The following RNF128 variants were observed in gnomAD, a reference collection of about 807,000 sequenced individuals.
RNF128 encodes ring finger protein 128.
RNF128 carries 13 observed loss-of-function variants against 26.2 expected under a neutral mutation model. That is an observed-to-expected ratio of 0.50 (90% CI 0.32 to 0.79). RNF128 has a LOEUF of 0.79. Ranked by LOEUF, RNF128 falls within the 30% of genes least tolerant of loss-of-function variation. The pLI is 0.03. For synonymous variants in RNF128, 149 were observed against 142.5 expected (o/e 1.05, Z -0.32); for missense variants, 315 against 349.7 (o/e 0.90, Z 0.79).
chrX:106,708,609 A>C (rs186377435), intron 1 of RNF128, among the ~76,000 whole-genome samples: 19 of 112,213 alleles, frequency 1.7e-4, no homozygotes, highest in African/African-American at 5.8e-4. Context: ...AACTCTTTTA[A>C]GTAGTATATA....
At chrX:106,728,284 A>G (rs1445470159) in intron 1 of RNF128, among the ~76,000 whole-genome samples, 3 of 111,875 alleles carry the variant, frequency 2.7e-5, no homozygotes, top group Non-Finnish European at 3.8e-5. Flanking sequence ...ATAGCAGTGT[A>G]TCATAGTTTT....
At chrX:106,739,990 T>C (rs1035317073) in intron 1 of RNF128, among the ~76,000 whole-genome samples, 4 of 111,724 alleles carry the variant, frequency 3.6e-5, no homozygotes, top group Non-Finnish European at 7.5e-5. Context: ...ATATTCTTCC[T>C]AACTTTAATG....
chrX:106,726,683 G>A, upstream of RNF128: 5 of 1,015,597 alleles, frequency 4.9e-6, no homozygotes, highest in Non-Finnish European at 6.2e-6. Context: ...TAAAGCCCCA[G>A]AGCCCGACGC....
intron 1 of RNF128, among the ~76,000 whole-genome samples, chrX:106,734,863 C>T (rs961612821): frequency 3.6e-5 from 4 of 112,052 alleles, no homozygotes; most frequent in Non-Finnish European, 7.5e-5. Flanking sequence ...ATATTCTCCT[C>T]TTCACTGCAC....
In RNF128 at chrX:106,785,049, G is replaced by GTT. The variant is rs370041439; in HGVS notation, c.733-6_733-5dup. 966 of 937,908 alleles carry GTT rather than the reference G, an allele frequency of 1.0e-3. No individual in the cohort carries two copies. The highest frequency in any genetic ancestry group is 1.7e-3 in the Admixed American group (49 of 28,921). 77.3% of individuals were successfully genotyped at this position (937,908 alleles called of 1,213,427 possible). A position where few individuals can be genotyped will look rare whatever the true frequency, so the allele number is the denominator to read the frequency against. On this transcript the variant is annotated splice_polypyrimidine_tract_variant and intron_variant, in intron 2 of 6. Transcript: ENST00000255499. Reference sequence around the variant, plus strand: ...AAAAATAGTTTTTCTAATACCTGCTGTTTTTTTTTTTACAGAGGCAATTAA... The same window carrying GTT: ...AAAAATAGTTTTTCTAATACCTGCTGTTTTTTTTTTTTTACAGAGGCAATTAA...
chrX:106,699,061 A>G (rs1173525277), intron 1 of RNF128, among the ~76,000 whole-genome samples: 1 of 111,566 alleles, frequency 9.0e-6, no homozygotes, highest in Admixed American at 9.5e-5. Flanking sequence ...TCTTAAGTCC[A>G]TTCACTTTTT....
chrX:106,757,811 G>A (rs1232962598), intron 1 of RNF128, among the ~76,000 whole-genome samples: 1 of 111,867 alleles, frequency 8.9e-6, no homozygotes, highest in Non-Finnish European at 1.9e-5. Flanking sequence ...AAAGCTATAT[G>A]TGACAGATCC....
At chrX:106,765,719 G>A (rs57488487) in intron 1 of RNF128, among the ~76,000 whole-genome samples, 6,491 of 110,446 alleles carry the variant, frequency 0.059, 496 homozygotes, top group African/African-American at 0.2. Context: ...TATTTTGTTG[G>A]TTTTTTTATT....
intron 3 of RNF128, 55 bp from the exon 4 acceptor site, chrX:106,787,862 GT>G: frequency 2.5e-6 from 2 of 814,736 alleles, no homozygotes; most frequent in Non-Finnish European, 3.6e-6. Flanking sequence ...ATCTTGTTCT[GT>G]AGTTTAATGT....
intron 1 of RNF128, among the ~76,000 whole-genome samples, chrX:106,739,971 C>G (rs969748638): frequency 4.5e-5 from 5 of 111,662 alleles, no homozygotes; most frequent in African/African-American, 1.3e-4. Flanking sequence ...TACCTAATCT[C>G]TCAACATAAT....
chrX:106,781,765 G>A (rs1454806567), intron 2 of RNF128, among the ~76,000 whole-genome samples: 2 of 111,870 alleles, frequency 1.8e-5, no homozygotes. Flanking sequence ...TTAAACATTA[G>A]TTTATGCTAT....
At chrX:106,792,214 TTGTC>T (rs1317491502) in intron 6 of RNF128, among the ~76,000 whole-genome samples, 1 of 110,826 alleles carries the variant, frequency 9.0e-6, no homozygotes, top group East Asian at 2.8e-4. Flanking sequence ...TAGAGAATCA[TTGTC>T]TGATTGCCCC....
In RNF128 at chrX:106,791,206, G is replaced by C. The variant is rs779428165; in HGVS notation, c.1125G>C (p.Pro375=). 7 of 1,208,451 alleles carry C rather than the reference G, an allele frequency of 5.8e-6. No homozygotes were observed. In the East Asian group the frequency reaches 2.1e-4, roughly 36 times the overall value. ...CTTCAGTACAGGGAACAGATGAACCGCCTCTGGAGGAACACGTGCAGTCAA... is the reference window on the plus strand; with the variant it reads ...CTTCAGTACAGGGAACAGATGAACCCCCTCTGGAGGAACACGTGCAGTCAA... ...GYASVQGTDE[P]PLEEHVQSTN... The change falls in exon 6 of 7, where the codon CCG becomes CCC. Residue 375 remains proline (P), a synonymous_variant. Coordinates refer to ENST00000255499, the MANE Select transcript of RNF128 (RefSeq NM_194463.2).
At chrX:106,788,879 A>T (rs1373352326) in intron 4 of RNF128, among the ~76,000 whole-genome samples, 1 of 76,306 alleles carries the variant, frequency 1.3e-5, no homozygotes, top group Admixed American at 2.0e-4. Context: ...ATAATGTATA[A>T]TATATTATAT....
chrX:106,697,259 G>T (rs191832011), intron 1 of RNF128, among the ~76,000 whole-genome samples: 13 of 112,065 alleles, frequency 1.2e-4, no homozygotes, highest in Admixed American at 3.8e-4. Context: ...TTATTAGCCA[G>T]AATAGAGAAA....
intron 1 of RNF128, among the ~76,000 whole-genome samples, chrX:106,761,475 A>T (rs1280417863): frequency 9.0e-6 from 1 of 111,710 alleles, no homozygotes; most frequent in African/African-American, 3.3e-5. Flanking sequence ...AGACACATGC[A>T]CATGTATGTT....
intron 1 of RNF128, among the ~76,000 whole-genome samples, chrX:106,732,729 T>A (rs911963688): frequency 8.9e-6 from 1 of 111,830 alleles, no homozygotes. Flanking sequence ...GTTTTATGGA[T>A]TTTTAATGGC....
At chrX:106,770,481 G>A (rs1218962797) in intron 1 of RNF128, among the ~76,000 whole-genome samples, 3 of 110,063 alleles carry the variant, frequency 2.7e-5, no homozygotes, top group African/African-American at 9.9e-5. Flanking sequence ...TTCTCTTCTT[G>A]CTTCATTTCA....
intron 1 of RNF128, among the ~76,000 whole-genome samples, chrX:106,754,270 A>T (rs1027936004): frequency 5.5e-5 from 6 of 108,613 alleles, no homozygotes; most frequent in Non-Finnish European, 9.6e-5. Context: ...CCCAGGCTGG[A>T]GTGTAGTGGC....
Sources: gnomAD v4.1 joint callset for allele counts (sites outside exome capture counted in the v4.1 genomes callset) on GRCh38, gnomAD v4.1.1 for gene constraint, MANE v1.5 for transcripts, NCBI Gene and HGNC (gene_info 2026-07-23, HGNC 2026-07-21) for gene names.